Variants in SHISAL1 observed in about 807,000 individuals in gnomAD.
SHISAL1 encodes the protein shisa like 1, also known as protein shisa-like-1.
A neutral mutation model predicts 22.6 loss-of-function variants in SHISAL1; 9 were observed. That is an observed-to-expected ratio of 0.40 (90% CI 0.24 to 0.70). The LOEUF (loss-of-function observed/expected upper bound fraction) is 0.70, where lower values mean the gene tolerates loss of function less well. SHISAL1 is among the 30% of genes least tolerant of loss of function. The pLI is 0.39. For missense variants in SHISAL1, 246 were observed against 270.6 expected (o/e 0.91, Z 0.64); for synonymous variants, 119 against 115.4 (o/e 1.03, Z -0.20).
chr22:44,280,854 C>T lies in SHISAL1; in HGVS notation c.599+4574G>A, dbSNP rs372723302. 5.3e-5 allele frequency among the ~76,000 whole-genome samples: 8 copies of T among 152,088 alleles called. No homozygotes were observed. In the East Asian group the frequency reaches 7.7e-4, roughly 15 times the overall value. On this transcript the variant is annotated intron_variant, in intron 4 of 4. Transcript: ENST00000381176. ...GGGCAGGCAGGTTGTGCGGCACTGG[C>T]GGGGCCAGGTGGGTGTGTCTGACTG...
At chr22:44,252,067 T>C (rs892524213) in intron 4 of SHISAL1, among the ~76,000 whole-genome samples, 3 of 152,174 alleles carry the variant, frequency 2.0e-5, no homozygotes, top group Admixed American at 1.3e-4. Flanking sequence ...TGTAGGACTA[T>C]TGCAGCCAAT....
At chr22:44,262,919 C>G (rs537177528) in intron 4 of SHISAL1, among the ~76,000 whole-genome samples, 73 of 152,266 alleles carry the variant, frequency 4.8e-4, no homozygotes, top group Admixed American at 3.5e-3. Context: ...TTCCCGCAGA[C>G]GAAAGCAGAG....
At chr22:44,263,358 A>G (rs1343267019) in intron 4 of SHISAL1, among the ~76,000 whole-genome samples, 1 of 152,064 alleles carries the variant, frequency 6.6e-6, no homozygotes, top group Admixed American at 6.5e-5. Context: ...GGCGTGAGCC[A>G]CTGCACCCGG....
chr22:44,261,995 G>C (rs2055127912), intron 4 of SHISAL1, among the ~76,000 whole-genome samples: 1 of 151,736 alleles, frequency 6.6e-6, no homozygotes, highest in African/African-American at 2.4e-5. Context: ...CCTGGGCTGG[G>C]GGCTCAGAAC....
At chr22:44,253,525 T>A (rs1215389514) in intron 4 of SHISAL1, among the ~76,000 whole-genome samples, 1 of 150,226 alleles carries the variant, frequency 6.7e-6, no homozygotes, top group East Asian at 1.9e-4. Context: ...ATCTCTTGGG[T>A]TCAAGCGTTT....
At chr22:44,300,154 G>C (rs2055417790) in intron 2 of SHISAL1, among the ~76,000 whole-genome samples, 1 of 151,622 alleles carries the variant, frequency 6.6e-6, no homozygotes, top group South Asian at 2.1e-4. Context: ...AACAGAGAGA[G>C]ACAGAGACAG....
chr22:44,256,636 T>A (rs565827163), intron 4 of SHISAL1, among the ~76,000 whole-genome samples: 2 of 152,196 alleles, frequency 1.3e-5, no homozygotes, highest in Non-Finnish European at 2.9e-5. Context: ...CATCTGACAG[T>A]CCACATATTT....
chr22:44,300,386 T>C (rs1484476891), intron 2 of SHISAL1, among the ~76,000 whole-genome samples: 1 of 152,194 alleles, frequency 6.6e-6, no homozygotes, highest in African/African-American at 2.4e-5. Context: ...ACTTAGTTTG[T>C]GCTCATCCTT....
chr22:44,268,019 G>A (rs550298095), intron 4 of SHISAL1, among the ~76,000 whole-genome samples: 2 of 152,258 alleles, frequency 1.3e-5, no homozygotes, highest in Non-Finnish European at 2.9e-5. Flanking sequence ...TCAACAGGGA[G>A]CTGTGTTGGG....
chr22:44,306,809 G>C (rs1438220750), intron 1 of SHISAL1, among the ~76,000 whole-genome samples: 1 of 144,524 alleles, frequency 6.9e-6, no homozygotes, highest in South Asian at 2.3e-4. Context: ...TTGTGATGAC[G>C]ACGGCGTGTG....
At chr22:44,289,883 C>A (rs1211687797) in intron 3 of SHISAL1, among the ~76,000 whole-genome samples, 2 of 152,208 alleles carry the variant, frequency 1.3e-5, no homozygotes, top group Admixed American at 1.3e-4. Flanking sequence ...AGATAAAAAA[C>A]CAAAGGCTGT....
the SHISAL1 span, among the ~76,000 whole-genome samples, chr22:44,325,540 G>T: frequency 1.1e-4 from 16 of 152,246 alleles, no homozygotes; most frequent in African/African-American, 3.9e-4. Context: ...TTAAGTTTTA[G>T]AATTTCTATA....
chr22:44,315,936 A>C (rs1017997291), upstream of SHISAL1, among the ~76,000 whole-genome samples: 1 of 152,128 alleles, frequency 6.6e-6, no homozygotes, highest in South Asian at 2.1e-4. Flanking sequence ...CAAAGGATTC[A>C]CAGTCCGGGG....
the SHISAL1 span, among the ~76,000 whole-genome samples, chr22:44,330,647 C>T: frequency 6.7e-6 from 1 of 150,182 alleles, no homozygotes; most frequent in African/African-American, 2.4e-5. Context: ...CCAGGACGCG[C>T]TGGCTTTTTC....
At chr22:44,308,378 G>A (rs2055494029) in intron 1 of SHISAL1, among the ~76,000 whole-genome samples, 2 of 152,332 alleles carry the variant, frequency 1.3e-5, no homozygotes, top group Middle Eastern at 3.4e-3. Flanking sequence ...GCTCGCACCT[G>A]AGGCCCCTTG....
At chr22:44,285,799 G>T (rs2055311293) in intron 3 of SHISAL1, 54 bp from the exon 4 acceptor site, 1 of 1,451,162 alleles carries the variant, frequency 6.9e-7, no homozygotes, top group Non-Finnish European at 9.6e-7. Context: ...TCCAGCTCAG[G>T]CCGGCTTCAT....
At chr22:44,326,072 A>G in the SHISAL1 span, among the ~76,000 whole-genome samples, 2 of 151,996 alleles carry the variant, frequency 1.3e-5, no homozygotes, top group South Asian at 2.1e-4. Flanking sequence ...ACGCTCCAGA[A>G]ATGTGGAATG....
chr22:44,294,629 G>C (rs2055373978), intron 3 of SHISAL1, among the ~76,000 whole-genome samples: 1 of 152,174 alleles, frequency 6.6e-6, no homozygotes, highest in African/African-American at 2.4e-5. Flanking sequence ...AGAAAAAGAA[G>C]TGAGGCACGA....
chr22:44,262,683 C>G (rs147058677), intron 4 of SHISAL1, among the ~76,000 whole-genome samples: 1 of 152,222 alleles, frequency 6.6e-6, no homozygotes, highest in Admixed American at 6.5e-5. Flanking sequence ...GGGGCAGTGG[C>G]CTGGGCAGGC....
Sources: gnomAD v4.1 joint callset for allele counts (sites outside exome capture counted in the v4.1 genomes callset) on GRCh38, gnomAD v4.1.1 for gene constraint, MANE v1.5 for transcripts, NCBI Gene and HGNC (gene_info 2026-07-23, HGNC 2026-07-21) for gene names.